Variants in PCID2 observed in about 807,000 individuals in gnomAD.
The protein encoded by PCID2 is PCI domain containing 2, also known as PCI domain-containing protein 2.
PCID2 carries 41 observed loss-of-function variants against 61.3 expected under a neutral mutation model. The ratio of observed to expected loss-of-function variants is 0.67; its 90% CI spans 0.52 to 0.87. The LOEUF (loss-of-function observed/expected upper bound fraction) is 0.87, where lower values mean the gene tolerates loss of function less well. Among genes scored for constraint, PCID2 ranks in the 40% least tolerant of loss-of-function variants. The probability of loss-of-function intolerance (pLI) is 0.00; values close to 1 mark genes in which losing one functional copy is unlikely to be tolerated. For synonymous variants in PCID2, 187 were observed against 177.8 expected, an observed-to-expected ratio of 1.05 and a Z score of -0.41; for missense variants, 392 against 493.4, an observed-to-expected ratio of 0.79 and a Z score of 1.95.
rs774978092 is a variant in PCID2 at position 113,178,950 on chromosome 13, AC to A, written c.1110+15del. 1 of 1,606,792 alleles carries A rather than the reference AC, an allele frequency of 6.2e-7. No individual in the cohort carries two copies. Among genetic ancestry groups the A allele is most frequent in the Non-Finnish European group, 8.5e-7 (1 of 1,176,988 alleles). The stretch of plus-strand genomic sequence containing the variant: ...GCTGTGAGTAGCTGCTTAAATTAAA[AC>A]CAGGACTCACACACCATGTATATCA... On this transcript the variant is annotated intron_variant, in intron 13 of 13. Coordinates refer to ENST00000337344, the MANE Select transcript of PCID2 (RefSeq NM_001127202.4).
chr13:113,172,638 A>G (rs1020548931), downstream of PCID2, among the ~76,000 whole-genome samples: 1 of 152,210 alleles, frequency 6.6e-6, no homozygotes, highest in Non-Finnish European at 1.5e-5. Flanking sequence ...TATCCCAGAG[A>G]GGCAGCATTA....
the PCID2 span, among the ~76,000 whole-genome samples, chr13:113,165,526 T>C: frequency 1.3e-5 from 2 of 152,172 alleles, no homozygotes; most frequent in Admixed American, 6.5e-5. Flanking sequence ...TAACCATTCA[T>C]TTGTTTTTGG....
At chr13:113,208,404 C>G in intron 1 of PCID2, 195 bp downstream of exon 1, 1 of 1,473,872 alleles carries the variant, frequency 6.8e-7, no homozygotes. Context: ...GGCGGCCCTG[C>G]AGGGGAGAAC....
the PCID2 span, among the ~76,000 whole-genome samples, chr13:113,169,619 CCAGGG>C: frequency 2.0e-4 from 30 of 152,188 alleles, no homozygotes; most frequent in Non-Finnish European, 2.9e-4. Context: ...GTCAGTAGGA[CCAGGG>C]CAGCGCTCAA....
intron 1 of PCID2, among the ~76,000 whole-genome samples, chr13:113,207,587 T>C (rs1372590490): frequency 6.6e-6 from 1 of 152,236 alleles, no homozygotes; most frequent in Non-Finnish European, 1.5e-5. Flanking sequence ...TATACTTTCA[T>C]GTTTTAAGTT....
At chr13:113,203,052 C>T (rs2039547221) in intron 1 of PCID2, among the ~76,000 whole-genome samples, 1 of 152,206 alleles carries the variant, frequency 6.6e-6, no homozygotes, top group South Asian at 2.1e-4. Context: ...GGCACTAGGG[C>T]CCTAATCCTG....
intron 6 of PCID2, among the ~76,000 whole-genome samples, chr13:113,191,206 T>C (rs1375401806): frequency 6.6e-6 from 1 of 150,508 alleles, no homozygotes; most frequent in African/African-American, 2.4e-5. Flanking sequence ...ATTTTTTTCT[T>C]TTTTTTTTGT....
chr13:113,192,285 G>A (rs528354985), intron 6 of PCID2, among the ~76,000 whole-genome samples: 1 of 152,290 alleles, frequency 6.6e-6, no homozygotes, highest in Admixed American at 6.5e-5. Flanking sequence ...TGATAATGCA[G>A]TAAATATGAA....
At chr13:113,195,234 G>A (rs2038926324) in intron 5 of PCID2, 109 bp from the exon 6 acceptor site, 7 of 736,616 alleles carry the variant, frequency 9.5e-6, no homozygotes, top group South Asian at 1.5e-5. Flanking sequence ...AATGGAGTCC[G>A]CACTTATCCA....
chr13:113,168,067 C>T, the PCID2 span, among the ~76,000 whole-genome samples: 5 of 152,220 alleles, frequency 3.3e-5, no homozygotes, highest in Admixed American at 2.0e-4. Context: ...CCATTCCTCC[C>T]CTCCTGACCT....
the PCID2 span, among the ~76,000 whole-genome samples, chr13:113,169,499 T>A: frequency 6.6e-6 from 1 of 152,222 alleles, no homozygotes; most frequent in East Asian, 1.9e-4. Context: ...GTGAATTTTA[T>A]CCTGTTAGGT....
At chr13:113,184,227 C>T (rs2138705775) in intron 9 of PCID2, 119 bp downstream of exon 9, 1 of 980,820 alleles carries the variant, frequency 1.0e-6, no homozygotes, top group Non-Finnish European at 1.5e-6. Flanking sequence ...GTATATATAA[C>T]TTGGTCCACA....
the PCID2 span, among the ~76,000 whole-genome samples, chr13:113,167,986 T>C: frequency 0.016 from 2,411 of 152,264 alleles, 162 homozygotes; most frequent in East Asian, 0.21. Flanking sequence ...CTTTACCCTA[T>C]CACAGTCCAC....
the PCID2 span, chr13:113,165,090 T>G: frequency 6.2e-7 from 1 of 1,612,874 alleles, no homozygotes; most frequent in Non-Finnish European, 8.5e-7. Context: ...CTGAGAAGCG[T>G]GCACCGGATC....
At chr13:113,169,479 T>A in the PCID2 span, among the ~76,000 whole-genome samples, 1 of 152,232 alleles carries the variant, frequency 6.6e-6, no homozygotes, top group Non-Finnish European at 1.5e-5. Context: ...CGTAATGGAT[T>A]TCCAGACATG....
At chr13:113,186,387 G>A (rs1260544166) in intron 7 of PCID2, 2 of 152,296 alleles carry the variant, frequency 1.3e-5, no homozygotes, top group Non-Finnish European at 2.9e-5. Flanking sequence ...GTGTGCCACT[G>A]TCTGCAATTA....
intron 6 of PCID2, among the ~76,000 whole-genome samples, chr13:113,193,278 A>T (rs556703340): frequency 3.5e-4 from 49 of 140,620 alleles, no homozygotes; most frequent in African/African-American, 6.8e-4. Flanking sequence ...TAACCTTTTT[A>T]AAAAAAAAAA....
chr13:113,176,303 G>C (rs7321343), downstream of PCID2, among the ~76,000 whole-genome samples: 140,118 of 152,368 alleles, frequency 0.92, 65,540 homozygotes, highest in East Asian at 1. Context: ...AATGTGCATA[G>C]TCTGAAAAAT....
intron 9 of PCID2, 141 bp from the exon 10 acceptor site, chr13:113,181,371 T>G: frequency 1.7e-6 from 1 of 582,218 alleles, no homozygotes; most frequent in South Asian, 2.2e-5. Context: ...TCATCCCAGT[T>G]TCATTTCTGT....
Sources: allele counts gnomAD v4.1 joint callset (sites outside exome capture counted in the v4.1 genomes callset), GRCh38; gene constraint gnomAD v4.1.1; transcripts MANE v1.5; gene names NCBI Gene and HGNC (gene_info 2026-07-23, HGNC 2026-07-21).